The following HGF variants were observed in gnomAD, a reference collection of about 807,000 sequenced individuals.
HGF encodes hepatocyte growth factor.
Under a neutral mutation model 111.6 loss-of-function variants are expected in HGF, and 39 were observed. The observed-to-expected ratio is 0.35, with a 90% CI of 0.27 to 0.46. HGF has a LOEUF of 0.46. Among genes scored for constraint, HGF ranks in the 20% least tolerant of loss-of-function variants. HGF has a pLI of 1.00. For missense variants in HGF, 735 were observed against 910.5 expected, an observed-to-expected ratio of 0.81 and a Z score of 2.48; for synonymous variants, 285 against 294.8, an observed-to-expected ratio of 0.97 and a Z score of 0.34.
At chr7:81,729,360 C>T (rs980696259) in intron 8 of HGF, among the ~76,000 whole-genome samples, 4 of 152,236 alleles carry the variant, frequency 2.6e-5, no homozygotes, top group African/African-American at 7.2e-5. Context: ...TTTCCCAAAG[C>T]ATAGTGAATC....
chr7:81,722,637 A>AC (rs957159104), intron 9 of HGF, among the ~76,000 whole-genome samples: 3 of 149,250 alleles, frequency 2.0e-5, no homozygotes, highest in Admixed American at 6.7e-5. Context: ...ACATGGTGAA[A>AC]CCCCATTTCT....
chr7:81,766,529 A>G (rs1456278764), intron 1 of HGF, among the ~76,000 whole-genome samples: 2 of 152,198 alleles, frequency 1.3e-5, no homozygotes, highest in African/African-American at 4.8e-5. Context: ...AGAGAAGGCA[A>G]CAATATCACA....
intron 9 of HGF, among the ~76,000 whole-genome samples, chr7:81,723,327 G>T (rs1353898366): frequency 6.6e-6 from 1 of 152,048 alleles, no homozygotes; most frequent in African/African-American, 2.4e-5. Context: ...CCAATGTTAA[G>T]GTTTTAAATA....
intron 4 of HGF, among the ~76,000 whole-genome samples, chr7:81,752,719 C>G (rs1331126209): frequency 6.6e-6 from 1 of 151,818 alleles, no homozygotes; most frequent in East Asian, 1.9e-4. Flanking sequence ...CCCCTTTTTT[C>G]TGCACAATTG....
At chr7:81,727,209 TG>T (rs1227291079) in intron 8 of HGF, among the ~76,000 whole-genome samples, 4 of 39,058 alleles carry the variant, frequency 1.0e-4, no homozygotes, top group Non-Finnish European at 1.4e-4. Context: ...CCCGGCTAAT[TG>T]TTTTTTTTTT....
intron 4 of HGF, 106 bp downstream of exon 4, chr7:81,757,083 G>C: frequency 1.4e-6 from 1 of 731,020 alleles, no homozygotes; most frequent in East Asian, 2.6e-5. Flanking sequence ...TCAGCAAGTT[G>C]GCTAAGTTAT....
At chr7:81,727,084 A>G (rs1264575193) in intron 8 of HGF, among the ~76,000 whole-genome samples, 3 of 150,082 alleles carry the variant, frequency 2.0e-5, no homozygotes, top group Non-Finnish European at 2.9e-5. Flanking sequence ...TCTGTCGCCC[A>G]AGCTGGAGTG....
intron 2 of HGF, among the ~76,000 whole-genome samples, chr7:81,760,676 CGTGCGT>C (rs958619320): frequency 1.2e-4 from 11 of 89,738 alleles, no homozygotes; most frequent in Admixed American, 5.6e-4. Context: ...TGTCTATGTG[CGTGCGT>C]GTGTGTGTGT....
At chr7:81,725,717 A>C (rs144183705) in intron 9 of HGF, among the ~76,000 whole-genome samples, 173 bp downstream of exon 9, 2 of 152,342 alleles carry the variant, frequency 1.3e-5, no homozygotes, top group Non-Finnish European at 2.9e-5. Context: ...CTAAATAAAT[A>C]AATCTTGAGT....
Position 81,758,776 on chromosome 7 carries a change from G to T in HGF, c.283C>A (p.Gln95Lys). ...KAFVFDKARK[Q>K]CLWFPFNSMS... ...CTATTGAAGGGGAACCAGAGGCATT[G>T]TTTTCTTGCTTTATCAAAAACAAAA... The change falls in exon 3 of 18, where the codon CAA (glutamine) becomes AAA (lysine). Residue 95 changes from glutamine (Q) to lysine (K), a missense_variant. Transcript: ENST00000222390. 1 of 1,612,516 alleles carries T rather than the reference G, an allele frequency of 6.2e-7. No homozygotes were observed. Among genetic ancestry groups the T allele is most frequent in the East Asian group, 2.2e-5 (1 of 44,716 alleles).
rs547676816 is a variant in HGF, at chr7:81,712,231, A to G, written c.1406-712T>C. 6.8e-4 allele frequency among the ~76,000 whole-genome samples: 103 copies of G among 152,190 alleles called. 1 individual carries two copies. In the Middle Eastern group the frequency reaches 0.031, roughly 45 times the overall value. ...ATAGCACTCGTGTTCATTATTGTCT[A>G]CTTGGACTCTTCATATTGATAGGCC... On this transcript the variant is annotated intron_variant, in intron 11 of 17. Transcript: ENST00000222390.
In HGF at chr7:81,762,745, A is replaced by G. The variant is rs372588506; in HGVS notation, c.216T>C (p.Asn72=). 5.6e-6 allele frequency: 9 copies of G among 1,612,814 alleles called. No individual in the cohort carries two copies. The highest frequency in any genetic ancestry group is 7.6e-6 in the Non-Finnish European group (9 of 1,179,048). Residue 72 remains asparagine (N), a synonymous_variant, in exon 2 of 18, where the codon AAT becomes AAC. Coordinates refer to ENST00000222390, the MANE Select transcript of HGF (RefSeq NM_000601.6). ...KKVNTADQCA[N]RCTRNKGLPF... is the part of the protein sequence containing the mutation. ...GAAGTCCTTTATTCCTAGTACATCT[A>G]TTAGCACATTGGTCTGCAGTATTCA...
In HGF at chr7:81,770,039, T is replaced by C. The variant is rs1002872977; in HGVS notation, c.-68A>G. ...CTGGGTGAAAGAATCCTGTTCGGAGTCAGTGCCTAAAAGAGCCAGTCGGCT... is the reference window on the plus strand; with the variant it reads ...CTGGGTGAAAGAATCCTGTTCGGAGCCAGTGCCTAAAAGAGCCAGTCGGCT... On this transcript the variant is annotated 5_prime_UTR_variant, in exon 1 of 18. Transcript: ENST00000222390. 48 of 1,197,592 alleles carry C rather than the reference T, an allele frequency of 4.0e-5. No individual in the cohort carries two copies. Among genetic ancestry groups the C allele is most frequent in the Non-Finnish European group, 4.9e-5 (41 of 831,294 alleles). 74.2% of individuals were successfully genotyped at this position (1,197,592 alleles called of 1,614,324 possible). A position where few individuals can be genotyped will look rare whatever the true frequency, so the allele number is the denominator to read the frequency against.
At position 81,699,634 on chromosome 7, in the gene HGF, T is replaced by G. The variant is rs1300652057; in HGVS notation, c.*2947A>C. ...TTTTAAAAAAGTTTAAAAACAACAA[T>G]GAAATGCCTGACAGCAATTTCCCAC... On this transcript the variant is annotated 3_prime_UTR_variant, in exon 18 of 18. Transcript: ENST00000222390. The G allele has an allele frequency of 6.6e-6, 1 of 151,684 alleles. No individual in the cohort carries two copies. The highest frequency in any genetic ancestry group is 1.5e-5 in the Non-Finnish European group (1 of 67,698). 9.4% of individuals were successfully genotyped at this position (151,684 alleles called of 1,614,324 possible).
rs979889110 is a variant in HGF at position 81,699,866 on chromosome 7, C to A, written c.*2715G>T. The A allele has an allele frequency of 6.6e-6, 1 of 151,604 alleles. No individual in the cohort carries two copies. The highest frequency in any genetic ancestry group is 1.9e-4 in the East Asian group (1 of 5,168). 9.4% of individuals were successfully genotyped at this position (151,604 alleles called of 1,614,324 possible). A position where few individuals can be genotyped will look rare whatever the true frequency, so the allele number is the denominator to read the frequency against. ...GATAGCAAGCAAAAGCCTGTTAATA[C>A]TAGAAATTGACTCAATAGATTTTAC... On this transcript the variant is annotated 3_prime_UTR_variant, in exon 18 of 18. Transcript: ENST00000222390.
intron 7 of HGF, among the ~76,000 whole-genome samples, chr7:81,732,936 A>G (rs1466938102): frequency 6.6e-6 from 1 of 152,150 alleles, no homozygotes; most frequent in Non-Finnish European, 1.5e-5. Context: ...CTAAAACTTC[A>G]ATGTCAATTC....
chr7:81,723,500 A>C (rs1789927674), intron 9 of HGF, among the ~76,000 whole-genome samples: 2 of 151,764 alleles, frequency 1.3e-5, no homozygotes, highest in Non-Finnish European at 2.9e-5. Flanking sequence ...GACTGAAATA[A>C]CTGTAAATAC....
At chr7:81,705,584 A>G (rs2115763573) in intron 16 of HGF, 49 bp from the exon 17 acceptor site, 3 of 1,604,218 alleles carry the variant, frequency 1.9e-6, no homozygotes, top group Non-Finnish European at 2.6e-6. Flanking sequence ...GTAAGAAACA[A>G]AGACAAATGT....
chr7:81,707,506 G>A (rs769917942), intron 13 of HGF, 142 bp from the exon 14 acceptor site: 4 of 649,440 alleles, frequency 6.2e-6, no homozygotes, highest in South Asian at 5.1e-5. Context: ...GGAATAAAAT[G>A]AGAAGTTCTT....
Sources: allele counts gnomAD v4.1 joint callset (sites outside exome capture counted in the v4.1 genomes callset), GRCh38; gene constraint gnomAD v4.1.1; transcripts MANE v1.5; gene names NCBI Gene and HGNC (gene_info 2026-07-23, HGNC 2026-07-21).